The following PTPRD variants were observed in gnomAD, a reference collection of about 807,000 sequenced individuals.
PTPRD encodes the protein receptor-type tyrosine-protein phosphatase delta.
Under a neutral mutation model 214.5 loss-of-function variants are expected in PTPRD, and 34 were observed. That is an observed-to-expected ratio of 0.16 (90% CI 0.12 to 0.21). The LOEUF (loss-of-function observed/expected upper bound fraction) is 0.21, where lower values mean the gene tolerates loss of function less well. PTPRD is among the 10% of genes least tolerant of loss of function. The pLI is 1.00. For synonymous variants in PTPRD, 1,128 were observed against 845.7 expected, an observed-to-expected ratio of 1.33 and a Z score of -5.79; for missense variants, 2,545 against 2,398.7, an observed-to-expected ratio of 1.06 and a Z score of -1.27.
intron 2 of PTPRD, among the ~76,000 whole-genome samples, chr9:10,360,149 T>C (rs2097350617): frequency 6.6e-6 from 1 of 152,242 alleles, no homozygotes; most frequent in African/African-American, 2.4e-5. Flanking sequence ...ATGTGATACA[T>C]AGTAATATAA....
chr9:8,491,990 C>T (rs1159516702), intron 27 of PTPRD, among the ~76,000 whole-genome samples: 1 of 152,204 alleles, frequency 6.6e-6, no homozygotes, highest in African/African-American at 2.4e-5. Flanking sequence ...TCTTAATTTA[C>T]TCATTCTACA....
At chr9:9,200,962 G>C (rs757717258) in intron 9 of PTPRD, among the ~76,000 whole-genome samples, 7 of 152,136 alleles carry the variant, frequency 4.6e-5, no homozygotes, top group East Asian at 1.9e-4. Context: ...ATGAAGCACA[G>C]TGTATGCTGC....
At chr9:9,056,903 G>C (rs1003903198) in intron 10 of PTPRD, among the ~76,000 whole-genome samples, 2 of 152,146 alleles carry the variant, frequency 1.3e-5, no homozygotes, top group Non-Finnish European at 2.9e-5. Context: ...TGCTTACATT[G>C]AGACTGCAAT....
intron 9 of PTPRD, among the ~76,000 whole-genome samples, chr9:9,262,480 G>C (rs1361925829): frequency 6.6e-6 from 1 of 151,144 alleles, no homozygotes; most frequent in East Asian, 2.0e-4. Context: ...CATTTCGAAT[G>C]CTCAATAGTC....
At chr9:8,525,684 G>T (rs10815900) in intron 17 of PTPRD, among the ~76,000 whole-genome samples, 20,849 of 152,098 alleles carry the variant, frequency 0.14, 1,686 homozygotes, top group East Asian at 0.24. Context: ...TGAATTAGAA[G>T]ATTTTTAAAA....
chr9:9,967,578 T>C (rs535070988), intron 4 of PTPRD, among the ~76,000 whole-genome samples: 1 of 152,286 alleles, frequency 6.6e-6, no homozygotes, highest in African/African-American at 2.4e-5. Flanking sequence ...GAATATTATC[T>C]CACTTTTCAG....
At chr9:9,622,909 A>G (rs1199676938) in intron 7 of PTPRD, among the ~76,000 whole-genome samples, 3 of 152,148 alleles carry the variant, frequency 2.0e-5, no homozygotes, top group African/African-American at 7.2e-5. Context: ...ATGAGTATAC[A>G]GCCTCAAGTT....
chr9:9,265,881 C>A (rs1022168121), intron 9 of PTPRD, among the ~76,000 whole-genome samples: 1 of 151,214 alleles, frequency 6.6e-6, no homozygotes. Context: ...AAGTTCTTAC[C>A]CATCAATAAT....
chr9:9,940,510 T>A (rs1437839045), intron 4 of PTPRD, among the ~76,000 whole-genome samples: 1 of 152,200 alleles, frequency 6.6e-6, no homozygotes, highest in Non-Finnish European at 1.5e-5. Context: ...GTCCTATCTC[T>A]ACCTAGATGT....
At chr9:9,328,173 G>A (rs2040781561) in intron 9 of PTPRD, among the ~76,000 whole-genome samples, 1 of 152,054 alleles carries the variant, frequency 6.6e-6, no homozygotes, top group Non-Finnish European at 1.5e-5. Flanking sequence ...TAGCAAAAAA[G>A]TTGAGTTTTT....
In PTPRD at chr9:10,501,676, G is replaced by A. The variant is rs143173855; in HGVS notation, c.-600+110722C>T. ...CAGTATTCTTAAGAATATATTATTTGTTCTTCACTGATGTTTTCCTAGTAC... is the reference window on the plus strand; with the variant it reads ...CAGTATTCTTAAGAATATATTATTTATTCTTCACTGATGTTTTCCTAGTAC... On this transcript the variant is annotated intron_variant, in intron 2 of 45. Coordinates refer to ENST00000381196, the MANE Select transcript of PTPRD (RefSeq NM_002839.4). Among the ~76,000 whole-genome samples, 471 of 152,086 alleles carry A rather than the reference G, an allele frequency of 3.1e-3. 1 individual carries two copies. Among genetic ancestry groups the A allele is most frequent in the African/African-American group, 0.01 (434 of 41,528 alleles).
intron 11 of PTPRD, among the ~76,000 whole-genome samples, chr9:8,834,674 G>C (rs1053277954): frequency 2.0e-5 from 3 of 152,142 alleles, no homozygotes; most frequent in South Asian, 4.1e-4. Flanking sequence ...TCCTATTTCA[G>C]AGACAAAGAA....
At chr9:8,595,571 T>C (rs1193273684) in intron 14 of PTPRD, among the ~76,000 whole-genome samples, 1 of 152,170 alleles carries the variant, frequency 6.6e-6, no homozygotes, top group Non-Finnish European at 1.5e-5. Context: ...CAAACCAATG[T>C]CTGGGAAAGT....
At chr9:8,627,750 T>C (rs1189220148) in intron 14 of PTPRD, among the ~76,000 whole-genome samples, 1 of 151,842 alleles carries the variant, frequency 6.6e-6, no homozygotes, top group Non-Finnish European at 1.5e-5. Context: ...TTTTCAGTTT[T>C]AATGTCTCCC....
In PTPRD at chr9:10,606,705, C is replaced by T. The variant is rs554708388; in HGVS notation, c.-600+5693G>A. ...AGGGAATGGAAGTATTCCTATGATA[C>T]GTATGTCATGTTACATGTGGGTAGT... On this transcript the variant is annotated intron_variant, in intron 2 of 45. Coordinates refer to ENST00000381196, the MANE Select transcript of PTPRD (RefSeq NM_002839.4). Among the ~76,000 whole-genome samples the T allele has an allele frequency of 8.6e-5, 13 of 151,860 alleles. No individual in the cohort carries two copies. In the East Asian group the frequency reaches 2.3e-3, roughly 27 times the overall value.
chr9:9,856,250 G>A (rs1025996655), intron 5 of PTPRD, among the ~76,000 whole-genome samples: 2 of 152,110 alleles, frequency 1.3e-5, no homozygotes, highest in African/African-American at 4.8e-5. Context: ...TGCCAGATGA[G>A]CTTAGGGTCT....
intron 4 of PTPRD, among the ~76,000 whole-genome samples, chr9:9,945,689 G>A (rs73402689): frequency 1.3e-5 from 2 of 151,868 alleles, no homozygotes; most frequent in Non-Finnish European, 2.9e-5. Flanking sequence ...AATTTAAGAG[G>A]GGAGAAATTA....
At chr9:9,367,724 G>A (rs2058271294) in intron 9 of PTPRD, among the ~76,000 whole-genome samples, 1 of 151,556 alleles carries the variant, frequency 6.6e-6, no homozygotes, top group African/African-American at 2.4e-5. Context: ...CAATTTCCTG[G>A]GTGTGGAGAG....
intron 11 of PTPRD, among the ~76,000 whole-genome samples, chr9:8,765,527 C>T (rs1255305859): frequency 6.6e-6 from 1 of 152,118 alleles, no homozygotes; most frequent in African/African-American, 2.4e-5. Context: ...ATCAGTCCTG[C>T]CAAAAGCCAA....
Sources: gnomAD v4.1 joint callset for allele counts (sites outside exome capture counted in the v4.1 genomes callset) on GRCh38, gnomAD v4.1.1 for gene constraint, MANE v1.5 for transcripts, NCBI Gene and HGNC (gene_info 2026-07-23, HGNC 2026-07-21) for gene names.